Variants in UBAP2 observed in about 807,000 individuals in gnomAD.
UBAP2 encodes ubiquitin-associated protein 2.
In UBAP2, 75 loss-of-function variants were observed where a neutral mutation model predicts 139.6. The ratio of observed to expected loss-of-function variants is 0.54; its 90% confidence interval spans 0.45 to 0.65. UBAP2 has a LOEUF of 0.65. Ranked by LOEUF, UBAP2 falls within the 30% of genes least tolerant of loss-of-function variation. The pLI is 0.00. For synonymous variants in UBAP2, 526 were observed against 526.2 expected, an observed-to-expected ratio of 1.00 and a Z score of 0.01; for missense variants, 1,368 against 1,369.6, an observed-to-expected ratio of 1.00 and a Z score of 0.02.
At chr9:33,985,902 G>C (rs1267817498) in intron 6 of UBAP2, among the ~76,000 whole-genome samples, 2 of 151,822 alleles carry the variant, frequency 1.3e-5, no homozygotes, top group African/African-American at 4.8e-5. Flanking sequence ...TGCACCTGTA[G>C]TCCCAGCTAC....
At chr9:34,024,395 G>C (rs1456125284) in intron 1 of UBAP2, among the ~76,000 whole-genome samples, 1 of 151,852 alleles carries the variant, frequency 6.6e-6, no homozygotes, top group Non-Finnish European at 1.5e-5. Context: ...ATAATTGTAA[G>C]GGCCTCAGGA....
chr9:33,932,013 T>C (rs1351623829), intron 19 of UBAP2, among the ~76,000 whole-genome samples: 3 of 152,034 alleles, frequency 2.0e-5, no homozygotes, highest in Non-Finnish European at 4.4e-5. Context: ...CCCACCACAA[T>C]CTGGCTGACT....
intron 12 of UBAP2, 23 bp from the exon 13 acceptor site, chr9:33,948,610 C>A (rs1362776008): frequency 6.2e-7 from 1 of 1,604,232 alleles, no homozygotes; most frequent in Non-Finnish European, 8.5e-7. Context: ...GATAAAAGAA[C>A]AAATCCTCAA....
intron 1 of UBAP2, among the ~76,000 whole-genome samples, chr9:34,027,815 T>C (rs1303948474): frequency 1.4e-4 from 21 of 149,814 alleles, no homozygotes; most frequent in Admixed American, 1.3e-3. Flanking sequence ...TGAGCCGAGA[T>C]TGCACCACTG....
intron 4 of UBAP2, 133 bp downstream of exon 4, chr9:33,996,090 T>C (rs577608004): frequency 3.1e-6 from 2 of 635,766 alleles, no homozygotes; most frequent in Admixed American, 6.0e-5. Flanking sequence ...TAATCGTTCT[T>C]TCTGGAACTT....
At position 33,927,874 on chromosome 9, in the gene UBAP2, G is replaced by A. The variant is rs774542705; in HGVS notation, c.2294C>T (p.Ala765Val). 32 of 1,614,130 alleles carry A rather than the reference G, an allele frequency of 2.0e-5. No individual in the cohort carries two copies. The highest frequency in any genetic ancestry group is 4.5e-5 in the East Asian group (2 of 44,896). ...GGTCCCACCCAGACAGAGGCTGTTC[G>A]CGGTGTTCATGCTACTGGACAGGCT... ...GASLSSSMNT[A>V]NSLCLGGTPA... The change falls in exon 20 of 29, where the codon GCG becomes GTG. Residue 765 changes from alanine to valine, a missense_variant. Transcript: ENST00000379238.
Position 33,983,130 on chromosome 9 carries a change from G to A in UBAP2, c.520+3630C>T, listed in dbSNP as rs572738384. On this transcript the variant is annotated intron_variant, in intron 6 of 28. Transcript: ENST00000379238. ...CCTGACCTCGTGATCTGCTCGCCTC[G>A]GCCTCCAAAAGTGCTGGGATTACAG... 4.8e-4 allele frequency among the ~76,000 whole-genome samples: 73 copies of A among 151,984 alleles called. 1 individual carries two copies. The highest frequency in any genetic ancestry group is 4.5e-3 in the Admixed American group (68 of 15,256).
intron 3 of UBAP2, chr9:33,996,690 GGT>G (rs1182494424): frequency 1.9e-5 from 4 of 211,352 alleles, no homozygotes; most frequent in Non-Finnish European, 3.8e-5. Flanking sequence ...TTAAATATGA[GGT>G]GGAACTATAT....
chr9:33,948,263 A>G lies in UBAP2; in HGVS notation c.1270+111T>C, dbSNP rs767844114. 11 of 955,820 alleles carry G rather than the reference A, an allele frequency of 1.2e-5. No individual in the cohort carries two copies. The Admixed American group carries it at 3.2e-4, about 28-fold the overall frequency. The allele number at this position is 955,820 out of a possible 1,614,324, so 59.2% of individuals were successfully genotyped here. ...ACTGAGAAACTGCAAGAGTTCTACT[A>G]AAAAGAAACATCTCTGGACAAATTC... On this transcript the variant is annotated intron_variant, in intron 13 of 28. Transcript: ENST00000379238.
At chr9:33,986,932 A>G (rs1219755432) in intron 5 of UBAP2, 95 bp from the exon 6 acceptor site, 3 of 1,080,206 alleles carry the variant, frequency 2.8e-6, no homozygotes, top group Admixed American at 3.7e-5. Flanking sequence ...AAGGAATGAC[A>G]AACAGGCTAC....
At chr9:34,033,012 T>C (rs1017876841) in intron 1 of UBAP2, among the ~76,000 whole-genome samples, 2 of 151,750 alleles carry the variant, frequency 1.3e-5, no homozygotes, top group Non-Finnish European at 2.9e-5. Flanking sequence ...AGAAAAACCA[T>C]GACAGTACTC....
At position 33,981,102 on chromosome 9, in the gene UBAP2, GGATATATATATATATATA is replaced by G. The variant is rs1820652483; in HGVS notation, c.520+5640_520+5657del. 6.0e-3 allele frequency among the ~76,000 whole-genome samples: 2 copies of G among 332 alleles called. 1 individual carries two copies. The highest frequency in any genetic ancestry group is 0.059 in the Admixed American group (2 of 34). 0.2% of individuals were successfully genotyped at this position (332 alleles called of 152,430 possible). On this transcript the variant is annotated intron_variant, in intron 6 of 28. Coordinates refer to ENST00000379238, the MANE Select transcript of UBAP2 (RefSeq NM_001370062.2). ...ATATATATATATATATATATATTCT[GGATATATATATATATATA>G]TATATATATATATATATTCTGGATA... is the stretch of plus-strand genomic sequence containing the variant.
intron 2 of UBAP2, among the ~76,000 whole-genome samples, chr9:34,001,940 GTATT>G (rs1367854588): frequency 3.3e-5 from 5 of 150,956 alleles, no homozygotes; most frequent in Non-Finnish European, 7.4e-5. Context: ...AACTATTTAT[GTATT>G]TGGTATTTAT....
intron 16 of UBAP2, among the ~76,000 whole-genome samples, chr9:33,936,494 A>G (rs950412558): frequency 6.6e-6 from 1 of 151,924 alleles, no homozygotes; most frequent in Non-Finnish European, 1.5e-5. Context: ...GGGTTTCACC[A>G]TGTTGGCCAG....
intron 13 of UBAP2, among the ~76,000 whole-genome samples, chr9:33,945,010 A>G (rs552392840): frequency 6.6e-6 from 1 of 152,258 alleles, no homozygotes; most frequent in Non-Finnish European, 1.5e-5. Flanking sequence ...CATGCCTATA[A>G]TGCCAGCACT....
chr9:33,992,442 C>T (rs1292171842), intron 4 of UBAP2, among the ~76,000 whole-genome samples: 1 of 149,398 alleles, frequency 6.7e-6, no homozygotes, highest in Non-Finnish European at 1.5e-5. Flanking sequence ...TGTCTGTAAT[C>T]CCAGCTACTC....
At chr9:33,931,099 C>A (rs930615388) in intron 19 of UBAP2, among the ~76,000 whole-genome samples, 1 of 152,162 alleles carries the variant, frequency 6.6e-6, no homozygotes, top group African/African-American at 2.4e-5. Context: ...GACCCCTGAA[C>A]AACACAGGCT....
intron 16 of UBAP2, among the ~76,000 whole-genome samples, chr9:33,938,733 T>C (rs1587526971): frequency 6.7e-6 from 1 of 148,680 alleles, no homozygotes; most frequent in South Asian, 2.1e-4. Flanking sequence ...GAGGTGGAGG[T>C]TGGAGTGAGC....
In UBAP2 at chr9:33,976,158, C is replaced by T. The variant is rs138773817; in HGVS notation, c.521-2921G>A. 5.7e-3 allele frequency among the ~76,000 whole-genome samples: 867 copies of T among 152,050 alleles called. 4 individuals are homozygous for T. The highest frequency in any genetic ancestry group is 9.5e-3 in the Non-Finnish European group (647 of 67,994). Reference sequence around the variant, plus strand: ...TGTTAAGAAATTCAGCTAATTAGCTCTAAGAAGAAAACTTTCAGTCTATAG... The same window carrying T: ...TGTTAAGAAATTCAGCTAATTAGCTTTAAGAAGAAAACTTTCAGTCTATAG... On this transcript the variant is annotated intron_variant, in intron 6 of 28. Coordinates refer to ENST00000379238, the MANE Select transcript of UBAP2 (RefSeq NM_001370062.2).
Sources: allele counts gnomAD v4.1 joint callset (sites outside exome capture counted in the v4.1 genomes callset), GRCh38; gene constraint gnomAD v4.1.1; transcripts MANE v1.5; gene names NCBI Gene and HGNC (gene_info 2026-07-23, HGNC 2026-07-21).